The following UNC13A variants were observed in gnomAD, a reference collection of about 807,000 sequenced individuals.
The protein encoded by UNC13A is unc-13 homolog A, also known as protein unc-13 homolog A.
UNC13A carries 61 observed loss-of-function variants against 219.7 expected under a neutral mutation model. That is an observed-to-expected ratio of 0.28 (90% CI 0.23 to 0.34). UNC13A has a LOEUF of 0.34. Ranked by LOEUF, UNC13A falls within the 10% of genes least tolerant of loss-of-function variation. The probability of loss-of-function intolerance (pLI) is 1.00; values close to 1 mark genes in which losing one functional copy is unlikely to be tolerated. For synonymous variants in UNC13A, 920 were observed against 884.6 expected, an observed-to-expected ratio of 1.04 and a Z score of -0.71; for missense variants, 1,476 against 2,270.3, an observed-to-expected ratio of 0.65 and a Z score of 7.11.
chr19:17,676,895 T>A (rs564405585), intron 1 of UNC13A, among the ~76,000 whole-genome samples: 50 of 152,120 alleles, frequency 3.3e-4, no homozygotes, highest in Non-Finnish European at 5.6e-4. Flanking sequence ...GCGCCTATAG[T>A]CTCAGCTACT....
At chr19:17,645,159 C>A (rs1599370663) in intron 19 of UNC13A, among the ~76,000 whole-genome samples, 1 of 151,550 alleles carries the variant, frequency 6.6e-6, no homozygotes, top group Admixed American at 6.6e-5. Flanking sequence ...CAGGCACCCA[C>A]CACCACGCCT....
intron 9 of UNC13A, among the ~76,000 whole-genome samples, chr19:17,656,830 C>T (rs1002271841): frequency 7.7e-6 from 1 of 129,534 alleles, no homozygotes; most frequent in Non-Finnish European, 1.6e-5. Context: ...CCAGCCTGGG[C>T]AACAAGAGCG....
At position 17,649,698 on chromosome 19, in the gene UNC13A, C is replaced by A; in HGVS notation, c.1440-111G>T. The A allele has an allele frequency of 2.5e-6, 3 of 1,199,080 alleles. No individual in the cohort carries two copies. The highest frequency in any genetic ancestry group is 2.0e-5 in the Admixed American group (1 of 50,150). 74.3% of individuals were successfully genotyped at this position (1,199,080 alleles called of 1,614,324 possible). On this transcript the variant is annotated intron_variant, in intron 12 of 43. Transcript: ENST00000519716. The surrounding 1 kb of genome is among the most constrained non-coding windows in gnomAD (Gnocchi z 4.4). ...TGTTAAGGGGTTGAATTGGGTCCCT[C>A]AAAAAAAAGATACGCTGATGCCCTA...
intron 7 of UNC13A, among the ~76,000 whole-genome samples, chr19:17,665,494 A>G (rs1262833163): frequency 6.6e-6 from 1 of 152,184 alleles, no homozygotes; most frequent in Non-Finnish European, 1.5e-5. Context: ...GATCATCATC[A>G]TCATTAACAG....
chr19:17,658,423 T>C (rs1157691754), intron 8 of UNC13A, among the ~76,000 whole-genome samples, 154 bp from the exon 9 acceptor site: 1 of 152,114 alleles, frequency 6.6e-6, no homozygotes, highest in African/African-American at 2.4e-5. Flanking sequence ...AATAGAGATA[T>C]AGGCTTCAGA....
chr19:17,617,063 T>G (rs2076674146), intron 41 of UNC13A, among the ~76,000 whole-genome samples: 1 of 152,036 alleles, frequency 6.6e-6, no homozygotes, highest in South Asian at 2.1e-4. Context: ...TCGAGGTCCC[T>G]CCCGCCCTCG....
chr19:17,649,268 G>A lies in UNC13A; in HGVS notation c.1524+71C>T. 2.6e-6 allele frequency: 4 copies of A among 1,540,634 alleles called. No homozygotes were observed. The South Asian group carries it at 3.6e-5, about 14-fold the overall frequency. ...GTTCCCCCATAATCCATGAATTGGG[G>A]GCCTGTTAGAAGATCCCAGTGGGGG... On this transcript the variant is annotated intron_variant, in intron 14 of 43. Coordinates refer to ENST00000519716, the MANE Select transcript of UNC13A (RefSeq NM_001080421.3). The surrounding 1 kb of genome is among the most constrained non-coding windows in gnomAD (Gnocchi z 4.4).
intron 1 of UNC13A, among the ~76,000 whole-genome samples, chr19:17,682,357 C>T (rs1030560822): frequency 3.3e-5 from 5 of 152,124 alleles, no homozygotes; most frequent in African/African-American, 9.7e-5. Flanking sequence ...TTCTGGCAAA[C>T]GTAGATGGTG....
chr19:17,623,535 T>G lies in UNC13A; in HGVS notation c.4203+7A>C. ...ACAGACAGACGGACAGACGGGACTC[T>G]ACTTACGATCATCTGTCATCCGTGA... On this transcript the variant is annotated splice_region_variant and intron_variant, in intron 36 of 43. Transcript: ENST00000519716. 6.7e-7 allele frequency: 1 copy of G among 1,492,732 alleles called. No individual in the cohort carries two copies. The highest frequency in any genetic ancestry group is 8.9e-7 in the Non-Finnish European group (1 of 1,126,792). 92.5% of individuals were successfully genotyped at this position (1,492,732 alleles called of 1,614,324 possible). A position where few individuals can be genotyped will look rare whatever the true frequency, so the allele number is the denominator to read the frequency against.
intron 43 of UNC13A, among the ~76,000 whole-genome samples, chr19:17,609,683 A>C (rs1451628617): frequency 6.6e-6 from 1 of 151,974 alleles, no homozygotes; most frequent in East Asian, 1.9e-4. Flanking sequence ...AGTCTTCATC[A>C]TGAAGTTACC....
At chr19:17,639,338 A>C in intron 24 of UNC13A, 98 bp downstream of exon 24, 1 of 1,565,738 alleles carries the variant, frequency 6.4e-7, no homozygotes, top group Non-Finnish European at 8.7e-7. Flanking sequence ...GTTACTGAGA[A>C]AGGCTGCCAC....
chr19:17,653,460 G>C (rs1355983565), intron 11 of UNC13A, among the ~76,000 whole-genome samples: 1 of 151,930 alleles, frequency 6.6e-6, no homozygotes, highest in Non-Finnish European at 1.5e-5. Flanking sequence ...CGATTCTCCT[G>C]CCTCAGCCTT....
chr19:17,645,316 G>C (rs895528697), intron 19 of UNC13A, among the ~76,000 whole-genome samples: 8 of 152,084 alleles, frequency 5.3e-5, no homozygotes, highest in Non-Finnish European at 1.2e-4. Flanking sequence ...GCCCCAGCCT[G>C]GATTCTTAAA....
At position 17,648,425 on chromosome 19, in the gene UNC13A, G is replaced by A; in HGVS notation, c.1816+6C>T. 3 of 1,581,038 alleles carry A rather than the reference G, an allele frequency of 1.9e-6. No individual in the cohort carries two copies. Among genetic ancestry groups the A allele is most frequent in the Non-Finnish European group, 1.7e-6 (2 of 1,169,144 alleles). ...CCGTGGCCCTGCGCTCAGGCCCTGC[G>A]CTCACGCTGCAGGCAGTCGGCGTTG... On this transcript the variant is annotated splice_donor_region_variant and intron_variant, in intron 16 of 43. Coordinates refer to ENST00000519716, the MANE Select transcript of UNC13A (RefSeq NM_001080421.3).
chr19:17,632,086 T>G (rs2076862100), intron 28 of UNC13A, among the ~76,000 whole-genome samples: 1 of 152,208 alleles, frequency 6.6e-6, no homozygotes, highest in Non-Finnish European at 1.5e-5. Flanking sequence ...AATTTTTGTA[T>G]TTTTAGTAGA....
chr19:17,653,353 G>C (rs2079387793), intron 11 of UNC13A, among the ~76,000 whole-genome samples: 1 of 147,332 alleles, frequency 6.8e-6, no homozygotes, highest in Non-Finnish European at 1.5e-5. Context: ...TATTTTGTTT[G>C]TTTGTTTGTT....
chr19:17,686,309 C>CG (rs1266195579), intron 1 of UNC13A, among the ~76,000 whole-genome samples: 1 of 82,096 alleles, frequency 1.2e-5, no homozygotes, highest in East Asian at 3.5e-4. Context: ...CCCCCCCCCC[C>CG]CCCCCCCCAC....
chr19:17,662,737 G>A (rs61078917), intron 8 of UNC13A, among the ~76,000 whole-genome samples: 6,508 of 152,064 alleles, frequency 0.043, 271 homozygotes, highest in African/African-American at 0.1. Flanking sequence ...TGGCTAACAC[G>A]GTGAAACCCC....
intron 6 of UNC13A, among the ~76,000 whole-genome samples, chr19:17,667,470 T>C (rs1186279700): frequency 6.6e-6 from 1 of 152,054 alleles, no homozygotes; most frequent in Admixed American, 6.6e-5. Flanking sequence ...TATTTTATTA[T>C]TATTATCAAT....
Sources: allele counts gnomAD v4.1 joint callset (sites outside exome capture counted in the v4.1 genomes callset), GRCh38; gene constraint gnomAD v4.1.1; non-coding constraint Gnocchi (gnomAD v3.1); transcripts MANE v1.5; gene names NCBI Gene and HGNC (gene_info 2026-07-23, HGNC 2026-07-21).